The following AXIN2 variants were observed in gnomAD, a reference collection of about 807,000 sequenced individuals.
The protein encoded by AXIN2 is axin-2.
A neutral mutation model predicts 74.7 loss-of-function variants in AXIN2; 21 were observed. The ratio of observed to expected loss-of-function variants is 0.28; its 90% CI spans 0.20 to 0.40. The LOEUF (loss-of-function observed/expected upper bound fraction) is 0.40, where lower values mean the gene tolerates loss of function less well. AXIN2 is among the 10% of genes least tolerant of loss of function. The probability of loss-of-function intolerance (pLI) is 1.00; values close to 1 mark genes in which losing one functional copy is unlikely to be tolerated. For missense variants in AXIN2, 1,144 were observed against 1,111.1 expected, an observed-to-expected ratio of 1.03 and a Z score of -0.42; for synonymous variants, 532 against 454.9, an observed-to-expected ratio of 1.17 and a Z score of -2.16.
chr17:65,541,257 C>T (rs1598103883), intron 4 of AXIN2, among the ~76,000 whole-genome samples, 198 bp downstream of exon 4: 1 of 152,204 alleles, frequency 6.6e-6, no homozygotes, highest in African/African-American at 2.4e-5. Context: ...ATAATCACAT[C>T]ACTGTGCTCA....
chr17:65,557,089 A>G (rs1368575949), intron 2 of AXIN2, among the ~76,000 whole-genome samples: 1 of 152,150 alleles, frequency 6.6e-6, no homozygotes, highest in Non-Finnish European at 1.5e-5. Flanking sequence ...CCGGGCCAAG[A>G]TCTCTTCTCC....
intron 2 of AXIN2, among the ~76,000 whole-genome samples, chr17:65,554,286 A>G (rs1397146788): frequency 6.6e-6 from 1 of 152,078 alleles, no homozygotes; most frequent in Non-Finnish European, 1.5e-5. Context: ...CCTTCTCAAA[A>G]CAATGCAACT....
In AXIN2 at chr17:65,536,888, T is replaced by C. The variant is rs763312277; in HGVS notation, c.1888A>G (p.Ser630Gly). ...GTTTACCTATGGGGCTTGGGCTTGCTCTGCCGCTCACTCTCCAGCATCCAC... is the reference window on the plus strand; with the variant it reads ...GTTTACCTATGGGGCTTGGGCTTGCCCTGCCGCTCACTCTCCAGCATCCAC... ...WQWMLESERQSKPKPHSAQST... is the reference protein window; with the variant it reads ...WQWMLESERQGKPKPHSAQST... The change falls in exon 7 of 11, where the codon AGC becomes GGC. Residue 630 changes from serine to glycine, a missense_variant. This residue lies in a region of AXIN2 where 1,053 missense variants were observed against 973.5 expected (regional missense o/e 1.08). Transcript: ENST00000307078. The C allele has an allele frequency of 6.2e-7, 1 of 1,613,426 alleles. No homozygotes were observed. The highest frequency in any genetic ancestry group is 2.2e-5 in the East Asian group (1 of 44,864).
chr17:65,532,958 C>T (rs991628082), intron 10 of AXIN2, among the ~76,000 whole-genome samples: 2 of 152,212 alleles, frequency 1.3e-5, no homozygotes, highest in Non-Finnish European at 2.9e-5. Flanking sequence ...AAACCTGGGA[C>T]AGAACTGGAG....
chr17:65,536,171 C>T, intron 8 of AXIN2, 149 bp downstream of exon 8: 2 of 823,438 alleles, frequency 2.4e-6, no homozygotes, highest in Non-Finnish European at 4.0e-6. Flanking sequence ...AGCTGGAAAG[C>T]AGCAGCTTAC....
At chr17:65,539,725 GTTAAT>G (rs2044013132) in intron 4 of AXIN2, among the ~76,000 whole-genome samples, 1 of 152,246 alleles carries the variant, frequency 6.6e-6, no homozygotes, top group African/African-American at 2.4e-5. Flanking sequence ...AATTCAATGT[GTTAAT>G]TTTTTAAACA....
intron 10 of AXIN2, among the ~76,000 whole-genome samples, chr17:65,533,204 AG>A (rs1307921338): frequency 5.3e-5 from 8 of 152,238 alleles, no homozygotes; most frequent in African/African-American, 1.2e-4. Flanking sequence ...TAAGGAGACC[AG>A]GAAGTTCCCT....
At chr17:65,542,021 C>CCT (rs1420579072) in intron 3 of AXIN2, among the ~76,000 whole-genome samples, 1 of 152,206 alleles carries the variant, frequency 6.6e-6, no homozygotes, top group East Asian at 1.9e-4. Flanking sequence ...AAGAACCAAA[C>CCT]CTACAGAGGG....
rs1344107562 is a variant in AXIN2 at position 65,537,017 on chromosome 17, C to T, written c.1759G>A (p.Glu587Lys). ...TLPKRNGKGT[E>K]PGLALPAREG... ...CTGGCGGGCAGGGCCAGGCCCGGCT[C>T]CGTGCCTTTCCCATTGCGTTTGGGC... The change falls in exon 7 of 11, where the codon GAG becomes AAG. Residue 587 changes from glutamate (E) to lysine (K), a missense_variant. Coordinates refer to ENST00000307078, the MANE Select transcript of AXIN2 (RefSeq NM_004655.4). 1 of 1,610,742 alleles carries T rather than the reference C, an allele frequency of 6.2e-7. No homozygotes were observed. The highest frequency in any genetic ancestry group is 2.2e-5 in the East Asian group (1 of 44,860).
Position 65,529,130 on chromosome 17 carries a change from C to T in AXIN2, c.*846G>A, listed in dbSNP as rs75257056. The T allele has an allele frequency of 7.0e-3, 1,651 of 234,828 alleles. 37 individuals carry two copies. The highest frequency in any genetic ancestry group is 0.033 in the African/African-American group (1,516 of 45,418). 14.5% of individuals were successfully genotyped at this position (234,828 alleles called of 1,614,324 possible). On this transcript the variant is annotated 3_prime_UTR_variant, in exon 11 of 11. Transcript: ENST00000307078. ...AACTGTCATTTCCACGAAAGCACAG[C>T]GGCAGTGATTCTAGCAGGCCTCAGG...
intron 1 of AXIN2, chr17:65,560,639 G>A (rs1369851372): frequency 1.3e-5 from 2 of 152,000 alleles, no homozygotes; most frequent in Admixed American, 6.5e-5. Flanking sequence ...CGCTGGGGAG[G>A]GGGCTCCGGC....
At position 65,557,926 on chromosome 17, in the gene AXIN2, T is replaced by A; in HGVS notation, c.695A>T (p.Glu232Val). 1 of 1,614,206 alleles carries A rather than the reference T, an allele frequency of 6.2e-7. No homozygotes were observed. Among genetic ancestry groups the A allele is most frequent in the Non-Finnish European group, 8.5e-7 (1 of 1,180,028 alleles). The change falls in exon 2 of 11, where the codon GAG becomes GTG. Residue 232 changes from glutamate (E) to valine (V), a missense_variant. Transcript: ENST00000307078. ...CTTGAAGTCGGCACAAGTCCACTCC[T>A]CTTCTTCATTCAAGGTGGGGAGATA... is the stretch of plus-strand genomic sequence containing the variant. ...CGYLPTLNEE[E>V]EWTCADFKCK...
At position 65,561,620 on chromosome 17, in the gene AXIN2, A is replaced by C. The variant is rs1458254428; in HGVS notation, c.-287T>G. 7 of 150,154 alleles carry C rather than the reference A, an allele frequency of 4.7e-5. No homozygotes were observed. The highest frequency in any genetic ancestry group is 1.5e-4 in the African/African-American group (6 of 40,666). 9.3% of individuals were successfully genotyped at this position (150,154 alleles called of 1,614,324 possible). On this transcript the variant is annotated 5_prime_UTR_variant, in exon 1 of 11. Coordinates refer to ENST00000307078, the MANE Select transcript of AXIN2 (RefSeq NM_004655.4). Reference sequence around the variant, plus strand: ...TCCCCCGGGCCAGGCTCGCGGAGCCAGTGATCCCGCCGCGCCAATCACAGC... The same window carrying C: ...TCCCCCGGGCCAGGCTCGCGGAGCCCGTGATCCCGCCGCGCCAATCACAGC...
chr17:65,543,443 G>C (rs1259022258), intron 3 of AXIN2, among the ~76,000 whole-genome samples: 3 of 152,192 alleles, frequency 2.0e-5, no homozygotes, highest in Non-Finnish European at 4.4e-5. Flanking sequence ...CGCACCCAAG[G>C]CAACTGATGC....
In AXIN2 at chr17:65,549,567, G is replaced by A. The variant is rs2144538429; in HGVS notation, c.909C>T (p.Ser303=). ...PATSANDSEI[S]SDALTDDSMS... ...TGGAATCATCCGTCAGCGCATCACTGGATATCTCACTGTCGTTGGCGCTGG... is the reference window on the plus strand; with the variant it reads ...TGGAATCATCCGTCAGCGCATCACTAGATATCTCACTGTCGTTGGCGCTGG... Residue 303 remains serine, a synonymous_variant, in exon 3 of 11, where the codon TCC becomes TCT. Coordinates refer to ENST00000307078, the MANE Select transcript of AXIN2 (RefSeq NM_004655.4). The A allele has an allele frequency of 6.2e-7, 1 of 1,610,918 alleles. No homozygotes were observed. Among genetic ancestry groups the A allele is most frequent in the East Asian group, 2.2e-5 (1 of 44,740 alleles).
chr17:65,537,120 C>T, intron 6 of AXIN2, 57 bp from the exon 7 acceptor site: 1 of 1,575,538 alleles, frequency 6.3e-7, no homozygotes, highest in South Asian at 1.1e-5. Flanking sequence ...CTCCGGGACT[C>T]CTAGAATCAG....
At chr17:65,534,803 G>A (rs2043880499) in intron 9 of AXIN2, among the ~76,000 whole-genome samples, 1 of 152,162 alleles carries the variant, frequency 6.6e-6, no homozygotes, top group South Asian at 2.1e-4. Context: ...GGTGGTGGGC[G>A]CCTGCAATCC....
chr17:65,530,691 C>A (rs960872492), intron 10 of AXIN2, among the ~76,000 whole-genome samples: 22 of 152,228 alleles, frequency 1.4e-4, no homozygotes, highest in Non-Finnish European at 1.5e-5. Context: ...CACAGCCACA[C>A]AGGAGGCAAG....
intron 6 of AXIN2, 113 bp from the exon 7 acceptor site, chr17:65,537,176 C>G: frequency 1.3e-6 from 2 of 1,537,106 alleles, no homozygotes. Flanking sequence ...GACCCATGCA[C>G]CTGCTCCCCG....
Sources: gnomAD v4.1 joint callset for allele counts (sites outside exome capture counted in the v4.1 genomes callset) on GRCh38, gnomAD v4.1.1 for gene constraint, gnomAD v4.1.1 regional missense constraint, MANE v1.5 for transcripts, NCBI Gene and HGNC (gene_info 2026-07-23, HGNC 2026-07-21) for gene names.